The following BEAN1 variants were observed in gnomAD, a reference collection of about 807,000 sequenced individuals.
BEAN1 encodes brain expressed associated with NEDD4 1.
A neutral mutation model predicts 17.7 loss-of-function variants in BEAN1; 17 were observed. That is an observed-to-expected ratio of 0.96 (90% CI 0.66 to 1.44). The LOEUF is 1.44. Among genes scored for constraint, BEAN1 ranks in the 40% most tolerant of loss-of-function variants. The probability of loss-of-function intolerance (pLI) is 0.00; values close to 1 mark genes in which losing one functional copy is unlikely to be tolerated. For missense variants in BEAN1, 359 were observed against 374.1 expected, an observed-to-expected ratio of 0.96 and a Z score of 0.33; for synonymous variants, 142 against 151.8, an observed-to-expected ratio of 0.94 and a Z score of 0.47.
At chr16:66,493,663 A>G, downstream of BEAN1, 1 of 473,676 alleles carries the variant, frequency 2.1e-6, no homozygotes, top group South Asian at 4.8e-5. Context: ...TCTCGGATGC[A>G]GTTCCTGAGA....
chr16:66,448,105 G>A (rs985377029), intron 2 of BEAN1, among the ~76,000 whole-genome samples: 1 of 152,188 alleles, frequency 6.6e-6, no homozygotes, highest in East Asian at 1.9e-4. Flanking sequence ...TTCCCCTCCT[G>A]CCTGTTGCAA....
At chr16:66,475,128 G>A (rs780735145) in intron 3 of BEAN1, among the ~76,000 whole-genome samples, 4 of 152,180 alleles carry the variant, frequency 2.6e-5, no homozygotes, top group Non-Finnish European at 4.4e-5. Flanking sequence ...CAGGGCTTCC[G>A]GAGTCCTGGA....
intron 1 of BEAN1, among the ~76,000 whole-genome samples, chr16:66,431,614 T>C (rs929579531): frequency 1.3e-4 from 19 of 151,686 alleles, no homozygotes; most frequent in African/African-American, 3.9e-4. Flanking sequence ...TTTTTTTTTT[T>C]CTTTTACAAA....
rs774157802 is a variant in BEAN1 at position 66,477,563 on chromosome 16, C to T, written c.293C>T (p.Ser98Leu). 2.0e-5 allele frequency: 31 copies of T among 1,541,184 alleles called. No individual in the cohort carries two copies. The highest frequency in any genetic ancestry group is 1.7e-4 in the Middle Eastern group (1 of 5,962). ...GCCGGTGGTCTGTTCCCTGCAGTGT[C>T]GGACGAGCACACATACAGCCGCTCA... is the stretch of plus-strand genomic sequence containing the variant. ...RHREYEHGYV[S>L]DEHTYSRSSR... The change falls in exon 4 of 5, where the codon TCG becomes TTG. Residue 98 changes from serine (S) to leucine (L), a missense_variant. Transcript: ENST00000536005.
chr16:66,477,138 C>T (rs533380287), intron 3 of BEAN1, among the ~76,000 whole-genome samples: 1 of 152,302 alleles, frequency 6.6e-6, no homozygotes, highest in African/African-American at 2.4e-5. Context: ...CCCGGCCTTC[C>T]CCTCTTCCCC....
At chr16:66,437,737 GC>G in intron 2 of BEAN1, 36 bp downstream of exon 2, 1 of 1,525,378 alleles carries the variant, frequency 6.6e-7, no homozygotes, top group Non-Finnish European at 8.8e-7. Flanking sequence ...ACCACTTGGG[GC>G]CAGGCAAGGG....
rs548939346 is a variant in BEAN1 at position 66,490,444 on chromosome 16, T to C, written c.148-2518T>C. Among the ~76,000 whole-genome samples, 7 of 137,332 alleles carry C rather than the reference T, an allele frequency of 5.1e-5. No individual in the cohort carries two copies. The South Asian group carries it at 6.5e-4, about 13-fold the overall frequency. The allele number at this position is 137,332 out of a possible 152,430, so 90.1% of individuals were successfully genotyped here. ...TAAAATAAAATAAAATAAAATAAAATAAAATAAAATAATAAAATAAAAAGA... is the reference window on the plus strand; with the variant it reads ...TAAAATAAAATAAAATAAAATAAAACAAAATAAAATAATAAAATAAAAAGA... On this transcript the variant is annotated intron_variant, in intron 4 of 4. Coordinates refer to the BEAN1 transcript ENST00000561796.
intron 1 of BEAN1, among the ~76,000 whole-genome samples, chr16:66,435,907 C>T (rs1961996393): frequency 6.6e-6 from 1 of 152,166 alleles, no homozygotes; most frequent in Non-Finnish European, 1.5e-5. Flanking sequence ...TGTTTTGCCT[C>T]TCTGAGCCTT....
At chr16:66,488,091 C>T (rs900443009) in intron 4 of BEAN1, among the ~76,000 whole-genome samples, 1 of 152,116 alleles carries the variant, frequency 6.6e-6, no homozygotes, top group African/African-American at 2.4e-5. Flanking sequence ...CTCAGCCACC[C>T]TGGGAAAGAT....
chr16:66,451,111 C>CT (rs980045760), intron 2 of BEAN1: 20 of 153,826 alleles, frequency 1.3e-4, no homozygotes, highest in African/African-American at 4.6e-4. Context: ...GCAACTACCT[C>CT]TTGTGCATCC....
At chr16:66,490,259 T>G (rs559488103) in intron 4 of BEAN1, among the ~76,000 whole-genome samples, 1 of 131,030 alleles carries the variant, frequency 7.6e-6, no homozygotes, top group Admixed American at 8.1e-5. Context: ...TAGCCAGGCA[T>G]AGTGGCACAT....
chr16:66,489,183 A>C (rs4783606), intron 4 of BEAN1, among the ~76,000 whole-genome samples: 2,071 of 88,488 alleles, frequency 0.023, 109 homozygotes, highest in East Asian at 0.21. Context: ...AAAAAAAAAC[A>C]AAAAAAAAAG....
chr16:66,430,963 G>A (rs753729479), intron 1 of BEAN1, among the ~76,000 whole-genome samples: 3 of 152,180 alleles, frequency 2.0e-5, no homozygotes, highest in African/African-American at 4.8e-5. Flanking sequence ...AAAACATTAA[G>A]TTAATAGCAG....
chr16:66,468,542 A>C (rs1015282321), intron 2 of BEAN1, among the ~76,000 whole-genome samples: 2 of 152,228 alleles, frequency 1.3e-5, no homozygotes, highest in African/African-American at 4.8e-5. Flanking sequence ...CAAGAGAGCA[A>C]GCACTGGACT....
intron 2 of BEAN1, among the ~76,000 whole-genome samples, chr16:66,447,647 G>A (rs1433131858): frequency 6.6e-6 from 1 of 152,154 alleles, no homozygotes; most frequent in Non-Finnish European, 1.5e-5. Flanking sequence ...AGTTCCAGCA[G>A]GGACCAGCCA....
At position 66,473,744 on chromosome 16, in the gene BEAN1, A is replaced by C. The variant is rs1384155413; in HGVS notation, c.290-3816A>C. 6.6e-6 allele frequency among the ~76,000 whole-genome samples: 1 copy of C among 152,004 alleles called. No homozygotes were observed. The highest frequency in any genetic ancestry group is 2.4e-5 in the African/African-American group (1 of 41,372). On this transcript the variant is annotated intron_variant, in intron 3 of 4. Transcript: ENST00000536005. This position sits in a 1 kb window ranked among gnomAD's most constrained non-coding sequence, Gnocchi z 4.5. ...AATAATAAATAATAAATAAAGAGGGAGGGGCAGTGTACCAGTGAACCCCAA... is the reference window on the plus strand; with the variant it reads ...AATAATAAATAATAAATAAAGAGGGCGGGGCAGTGTACCAGTGAACCCCAA...
intron 2 of BEAN1, chr16:66,438,073 C>A: frequency 3.0e-6 from 1 of 330,018 alleles, no homozygotes; most frequent in Non-Finnish European, 5.8e-6. Context: ...TCCTGCAAGA[C>A]TTTCCTGAGC....
At chr16:66,461,614 A>AC (rs1567497307) in intron 2 of BEAN1, among the ~76,000 whole-genome samples, 68 of 145,354 alleles carry the variant, frequency 4.7e-4, no homozygotes, top group South Asian at 1.3e-3. Flanking sequence ...ACACACACAC[A>AC]AACGCACGCA....
rs772932259 is a variant in BEAN1 at position 66,490,454 on chromosome 16, T to TAA, written c.148-2507_148-2506dup. Among the ~76,000 whole-genome samples, 329 of 44,730 alleles carry TAA rather than the reference T, an allele frequency of 7.4e-3. 8 individuals carry two copies. The highest frequency in any genetic ancestry group is 0.012 in the Non-Finnish European group (201 of 17,070). 29.3% of individuals were successfully genotyped at this position (44,730 alleles called of 152,430 possible). ...TAAAATAAAATAAAATAAAATAAAA[T>TAA]AATAAAATAAAAAGAAACCTCTAAA... On this transcript the variant is annotated intron_variant, in intron 4 of 4. Coordinates refer to the BEAN1 transcript ENST00000561796.
Sources: allele counts gnomAD v4.1 joint callset (sites outside exome capture counted in the v4.1 genomes callset), GRCh38; gene constraint gnomAD v4.1.1; non-coding constraint Gnocchi (gnomAD v3.1); transcripts MANE v1.5; gene names NCBI Gene and HGNC (gene_info 2026-07-23, HGNC 2026-07-21).